The following CNBD1 variants were observed in gnomAD, a reference collection of about 807,000 sequenced individuals.
The protein encoded by CNBD1 is cyclic nucleotide binding domain containing 1.
Under a neutral mutation model 54.4 loss-of-function variants are expected in CNBD1, and 71 were observed. The observed-to-expected ratio is 1.30, with a 90% confidence interval of 1.08 to 1.59. The LOEUF is 1.59. CNBD1 is among the 40% of genes most tolerant of loss of function. The probability of loss-of-function intolerance (pLI) is 0.00; values close to 1 mark genes in which losing one functional copy is unlikely to be tolerated. For missense variants in CNBD1, 659 were observed against 518.0 expected, an observed-to-expected ratio of 1.27 and a Z score of -2.64; for synonymous variants, 182 against 170.7, an observed-to-expected ratio of 1.07 and a Z score of -0.51.
At chr8:87,259,955 C>G (rs926534890) in intron 6 of CNBD1, among the ~76,000 whole-genome samples, 4 of 151,970 alleles carry the variant, frequency 2.6e-5, no homozygotes, top group African/African-American at 9.7e-5. Flanking sequence ...TCCAGGTGCT[C>G]GGAGAAAGGA....
chr8:87,000,213 C>T (rs543508319), intron 4 of CNBD1, among the ~76,000 whole-genome samples: 5 of 152,162 alleles, frequency 3.3e-5, no homozygotes, highest in African/African-American at 1.2e-4. Context: ...ATGATGTTCT[C>T]ATGATAGTGA....
intron 3 of CNBD1, among the ~76,000 whole-genome samples, chr8:86,919,342 A>G (rs1406893508): frequency 1.3e-5 from 2 of 152,218 alleles, no homozygotes; most frequent in Non-Finnish European, 2.9e-5. Flanking sequence ...ACTCAAAACT[A>G]GAAGAGGTTT....
chr8:87,010,658 T>C (rs1189263879), intron 4 of CNBD1, among the ~76,000 whole-genome samples: 1 of 152,058 alleles, frequency 6.6e-6, no homozygotes, highest in East Asian at 1.9e-4. Flanking sequence ...GGCAGGAGAA[T>C]TGCTTGAACC....
At chr8:87,031,943 G>A (rs1017854324) in intron 4 of CNBD1, among the ~76,000 whole-genome samples, 3 of 152,036 alleles carry the variant, frequency 2.0e-5, no homozygotes, top group Non-Finnish European at 2.9e-5. Flanking sequence ...GTTTCATCAT[G>A]TTGGCCAGGC....
chr8:87,118,200 A>G (rs1364810610), intron 4 of CNBD1, among the ~76,000 whole-genome samples: 1 of 150,840 alleles, frequency 6.6e-6, no homozygotes, highest in Non-Finnish European at 1.5e-5. Flanking sequence ...CTGTAGACCC[A>G]GTTACTCAGG....
At chr8:87,216,027 T>A (rs1469107050) in intron 5 of CNBD1, among the ~76,000 whole-genome samples, 4 of 152,230 alleles carry the variant, frequency 2.6e-5, no homozygotes, top group Admixed American at 2.0e-4. Flanking sequence ...ACATAGTGTT[T>A]TCGTGGTTTA....
At position 87,379,013 on chromosome 8, in the gene CNBD1, A is replaced by G. The variant is rs1206444733; in HGVS notation, c.1304-3607A>G. Among the ~76,000 whole-genome samples the G allele has an allele frequency of 3.0e-4, 45 of 149,984 alleles. 1 individual carries two copies. Among genetic ancestry groups the G allele is most frequent in the Non-Finnish European group, 3.6e-4 (24 of 67,590 alleles). On this transcript the variant is annotated intron_variant, in intron 10 of 10. Coordinates refer to ENST00000518476, the MANE Select transcript of CNBD1 (RefSeq NM_173538.3). ...TTTTGCACATTGATTTTGTAAACTG[A>G]GACTTTGCTGAAGTTGCTTATCAGC...
In CNBD1 at chr8:87,396,165, T is replaced by C. The variant is rs151139701; in HGVS notation, c.214-32381T>C. On this transcript the variant is annotated intron_variant, in intron 2 of 7. Coordinates refer to the CNBD1 transcript ENST00000521593. ...GGAAATATTTGAGGAAGTTTGAATA[T>C]AGCCCTTTAATGTGTTTTCCTCAAT... Among the ~76,000 whole-genome samples the C allele has an allele frequency of 7.9e-5, 12 of 152,064 alleles. No individual in the cohort carries two copies. The East Asian group carries it at 2.3e-3, about 30-fold the overall frequency.
At chr8:87,381,046 T>G (rs558178276) in intron 10 of CNBD1, among the ~76,000 whole-genome samples, 1 of 152,054 alleles carries the variant, frequency 6.6e-6, no homozygotes, top group African/African-American at 2.4e-5. Flanking sequence ...TGAGACCACA[T>G]CAAACTAGAA....
intron 4 of CNBD1, among the ~76,000 whole-genome samples, chr8:87,019,227 C>T (rs1167063959): frequency 2.6e-5 from 4 of 152,104 alleles, no homozygotes; most frequent in South Asian, 2.1e-4. Context: ...GTTTTTCTAT[C>T]TGCCTTTTTA....
chr8:87,396,369 T>C (rs755868462), intron 2 of CNBD1, among the ~76,000 whole-genome samples: 2 of 151,914 alleles, frequency 1.3e-5, no homozygotes, highest in Non-Finnish European at 2.9e-5. Context: ...TTATTCTGAC[T>C]TGAAATGTTA....
intron 4 of CNBD1, among the ~76,000 whole-genome samples, chr8:87,095,315 A>G (rs1811295292): frequency 6.6e-6 from 1 of 152,216 alleles, no homozygotes; most frequent in Non-Finnish European, 1.5e-5. Flanking sequence ...CTTTCTTAAG[A>G]TAATACACTT....
At chr8:87,349,933 T>C (rs902432266) in intron 8 of CNBD1, among the ~76,000 whole-genome samples, 7 of 152,348 alleles carry the variant, frequency 4.6e-5, no homozygotes, top group Admixed American at 2.0e-4. Context: ...TGTTGTTATA[T>C]ATACTTCTCT....
chr8:87,404,382 T>C (rs1430387129), intron 2 of CNBD1, among the ~76,000 whole-genome samples: 2 of 152,122 alleles, frequency 1.3e-5, no homozygotes, highest in East Asian at 1.9e-4. Flanking sequence ...GAAATGGTTA[T>C]GTACACTTAA....
intron 1 of CNBD1, among the ~76,000 whole-genome samples, chr8:86,872,108 G>A (rs896887389): frequency 1.3e-5 from 2 of 152,136 alleles, no homozygotes; most frequent in Admixed American, 6.5e-5. Context: ...TAGCAACACT[G>A]TTAACTCTAC....
At chr8:87,047,136 G>C (rs1810212337) in intron 4 of CNBD1, among the ~76,000 whole-genome samples, 1 of 152,144 alleles carries the variant, frequency 6.6e-6, no homozygotes, top group Non-Finnish European at 1.5e-5. Context: ...TAATGTTGCA[G>C]TATTTGAGAT....
chr8:86,886,748 A>G (rs747916273), intron 1 of CNBD1, among the ~76,000 whole-genome samples: 2 of 152,192 alleles, frequency 1.3e-5, no homozygotes, highest in Admixed American at 6.5e-5. Flanking sequence ...GATTTTCTCA[A>G]TAACTTTTCA....
chr8:87,403,464 A>G (rs1416538792), intron 2 of CNBD1, among the ~76,000 whole-genome samples: 1 of 151,978 alleles, frequency 6.6e-6, no homozygotes, highest in Non-Finnish European at 1.5e-5. Context: ...TCCGCGTGCT[A>G]CTCCATCCCT....
At chr8:87,348,000 C>G (rs925854467) in intron 8 of CNBD1, among the ~76,000 whole-genome samples, 1 of 152,128 alleles carries the variant, frequency 6.6e-6, no homozygotes, top group African/African-American at 2.4e-5. Flanking sequence ...TAGATTTCCT[C>G]AGGTTTGTCT....
Sources: gnomAD v4.1 joint callset for allele counts (sites outside exome capture counted in the v4.1 genomes callset) on GRCh38, gnomAD v4.1.1 for gene constraint, MANE v1.5 for transcripts, NCBI Gene and HGNC (gene_info 2026-07-23, HGNC 2026-07-21) for gene names.